Variants in IQCK observed in about 807,000 individuals in gnomAD.
The protein encoded by IQCK is IQ domain-containing protein K.
Under a neutral mutation model 28.1 loss-of-function variants are expected in IQCK, and 29 were observed. The observed-to-expected ratio is 1.03, with a 90% CI of 0.77 to 1.41. IQCK has a LOEUF of 1.41. Ranked by LOEUF, IQCK falls within the 40% of genes most tolerant of loss-of-function variation. The pLI is 0.00. For synonymous variants in IQCK, 113 were observed against 115.1 expected (o/e 0.98, Z 0.12); for missense variants, 359 against 314.7 (o/e 1.14, Z -1.07).
At chr16:19,771,850 TCTG>T (rs1274402500) in intron 6 of IQCK, among the ~76,000 whole-genome samples, 3 of 152,162 alleles carry the variant, frequency 2.0e-5, no homozygotes, top group Admixed American at 6.5e-5. Context: ...TGTGAAGGCA[TCTG>T]CTGAGAGGGA....
chr16:19,835,810 C>G (rs2056288909), intron 9 of IQCK, among the ~76,000 whole-genome samples: 1 of 152,110 alleles, frequency 6.6e-6, no homozygotes, highest in African/African-American at 2.4e-5. Context: ...GTCTCGAACT[C>G]CTGACCTCAG....
intron 7 of IQCK, among the ~76,000 whole-genome samples, chr16:19,817,839 A>C (rs2056010065): frequency 6.6e-6 from 1 of 152,216 alleles, no homozygotes; most frequent in South Asian, 2.1e-4. Flanking sequence ...ACAGTCCCTG[A>C]TGACGAACCC....
chr16:19,849,969 T>C (rs1353589107), intron 9 of IQCK, among the ~76,000 whole-genome samples: 1 of 152,154 alleles, frequency 6.6e-6, no homozygotes, highest in African/African-American at 2.4e-5. Context: ...AATGGAAATT[T>C]ATAGGAAATG....
At chr16:19,847,716 A>T (rs184141195) in intron 9 of IQCK, among the ~76,000 whole-genome samples, 2 of 152,296 alleles carry the variant, frequency 1.3e-5, no homozygotes, top group East Asian at 3.9e-4. Flanking sequence ...GATTATCGTC[A>T]CAAGCTGTGA....
intron 9 of IQCK, among the ~76,000 whole-genome samples, chr16:19,846,769 A>G (rs2056419164): frequency 6.6e-6 from 1 of 152,248 alleles, no homozygotes; most frequent in Non-Finnish European, 1.5e-5. Flanking sequence ...CTTTGTAGAA[A>G]GGAATCTTCC....
chr16:19,833,554 C>T (rs1452437801), intron 9 of IQCK, among the ~76,000 whole-genome samples: 1 of 152,168 alleles, frequency 6.6e-6, no homozygotes, highest in African/African-American at 2.4e-5. Flanking sequence ...ATTTTTCTTT[C>T]ATAAAGAGGA....
chr16:19,729,642 T>TA (rs1462113062), intron 1 of IQCK, among the ~76,000 whole-genome samples: 1 of 151,650 alleles, frequency 6.6e-6, no homozygotes, highest in East Asian at 1.9e-4. Context: ...TTTATTTATT[T>TA]ATTTATTTTT....
chr16:19,837,588 G>T, intron 9 of IQCK, among the ~76,000 whole-genome samples: 1 of 152,270 alleles, frequency 6.6e-6, no homozygotes, highest in South Asian at 2.1e-4. Flanking sequence ...AGCCGTGTAT[G>T]GAATTAAATA....
At chr16:19,847,465 A>G (rs2056426834) in intron 9 of IQCK, among the ~76,000 whole-genome samples, 1 of 152,204 alleles carries the variant, frequency 6.6e-6, no homozygotes, top group Non-Finnish European at 1.5e-5. Context: ...GCCCCCAGCC[A>G]GCTCCCTCAT....
intron 9 of IQCK, among the ~76,000 whole-genome samples, chr16:19,852,929 A>G (rs1323723430): frequency 6.6e-6 from 1 of 152,036 alleles, no homozygotes; most frequent in Non-Finnish European, 1.5e-5. Context: ...GCCTCCTTCA[A>G]CATTTTTGAG....
intron 1 of IQCK, among the ~76,000 whole-genome samples, chr16:19,719,884 G>A (rs1043282770): frequency 6.6e-6 from 1 of 151,674 alleles, no homozygotes; most frequent in African/African-American, 2.4e-5. Context: ...TTTTGGCCAG[G>A]CTGCTCTTGA....
intron 6 of IQCK, among the ~76,000 whole-genome samples, chr16:19,771,913 A>T (rs2055325913): frequency 6.6e-6 from 1 of 152,158 alleles, no homozygotes; most frequent in South Asian, 2.1e-4. Context: ...TGCTGTGGTG[A>T]AACCGACAGG....
exon 10 of IQCK, chr16:19,856,810 ATTCT>A: frequency 4.7e-6 from 2 of 430,074 alleles, no homozygotes; most frequent in Admixed American, 4.1e-5. Flanking sequence ...CCTCAGGAGT[ATTCT>A]TCTACACCAG....
intron 7 of IQCK, among the ~76,000 whole-genome samples, chr16:19,809,391 G>A (rs2055873785): frequency 6.6e-6 from 1 of 152,200 alleles, no homozygotes; most frequent in South Asian, 2.1e-4. Flanking sequence ...GGCTGGGCTG[G>A]AATGTCCAAG....
At chr16:19,761,508 T>A (rs1475397752) in intron 4 of IQCK, 1 of 435,756 alleles carries the variant, frequency 2.3e-6, no homozygotes. Flanking sequence ...GGGAAGGATC[T>A]CTCCACATGG....
intron 4 of IQCK, among the ~76,000 whole-genome samples, chr16:19,753,709 G>C (rs904603340): frequency 1.3e-5 from 2 of 152,076 alleles, no homozygotes; most frequent in Non-Finnish European, 2.9e-5. Context: ...CCAAGGTAGA[G>C]AGGGAAGGCT....
chr16:19,776,934 G>A (rs2055404803), intron 6 of IQCK, among the ~76,000 whole-genome samples: 1 of 152,144 alleles, frequency 6.6e-6, no homozygotes, highest in East Asian at 1.9e-4. Context: ...ATTAAGAAGA[G>A]AAAAAGTTTA....
At chr16:19,735,376 A>C in exon 4 of IQCK, 1 of 1,614,038 alleles carries the variant, frequency 6.2e-7, no homozygotes, top group Non-Finnish European at 8.5e-7. Context: ...ATATTTGGAA[A>C]CTTTCATCTT....
At chr16:19,805,266 T>A (rs2055819948) in intron 7 of IQCK, among the ~76,000 whole-genome samples, 1 of 152,136 alleles carries the variant, frequency 6.6e-6, no homozygotes, top group Non-Finnish European at 1.5e-5. Context: ...GGTGTATGAG[T>A]CACATTTTCC....
Sources: allele counts gnomAD v4.1 joint callset (sites outside exome capture counted in the v4.1 genomes callset), GRCh38; gene constraint gnomAD v4.1.1; transcripts MANE v1.5; gene names NCBI Gene and HGNC (gene_info 2026-07-23, HGNC 2026-07-21).